The following SLC24A2 variants were observed in gnomAD, a reference collection of about 807,000 sequenced individuals.
SLC24A2 encodes the protein solute carrier family 24 member 2, also known as sodium/potassium/calcium exchanger 2.
In SLC24A2, 36 loss-of-function variants were observed where a neutral mutation model predicts 62.0. The observed-to-expected ratio is 0.58, with a 90% CI of 0.44 to 0.77. The LOEUF (loss-of-function observed/expected upper bound fraction) is 0.77. Ranked by LOEUF, SLC24A2 falls within the 30% of genes least tolerant of loss-of-function variation. The pLI is 0.00. For missense variants in SLC24A2, 846 were observed against 817.9 expected (o/e 1.03, Z -0.42); for synonymous variants, 358 against 294.0 (o/e 1.22, Z -2.23).
Position 19,786,018 on chromosome 9 carries a change from G to A in SLC24A2, c.849C>T (p.Asn283=), listed in dbSNP as rs570505431. The A allele has an allele frequency of 2.7e-5, 43 of 1,613,936 alleles. No homozygotes were observed. Among genetic ancestry groups the A allele is most frequent in the Admixed American group, 1.2e-4 (7 of 59,996 alleles). ...YFCYVVFMKF[N]VQVEKWVKQM... Reference sequence around the variant, plus strand: ...GCTTCACCCATTTTTCTACTTGGACGTTGAATTTCATGAAAACCACATAGC... The same window carrying A: ...GCTTCACCCATTTTTCTACTTGGACATTGAATTTCATGAAAACCACATAGC... The change falls in exon 2 of 11, where the codon AAC becomes AAT. Residue 283 remains asparagine, a synonymous_variant. Coordinates refer to ENST00000341998, the MANE Select transcript of SLC24A2 (RefSeq NM_020344.4). This position sits in a 1 kb window ranked among gnomAD's most constrained non-coding sequence, Gnocchi z 5.0.
At chr9:20,176,088 G>A in the SLC24A2 span, among the ~76,000 whole-genome samples, 1 of 151,968 alleles carries the variant, frequency 6.6e-6, no homozygotes, top group Non-Finnish European at 1.5e-5. Context: ...AACAACACTT[G>A]GGCTTTTTCG....
chr9:19,955,962 A>G, the SLC24A2 span, among the ~76,000 whole-genome samples: 1 of 152,244 alleles, frequency 6.6e-6, no homozygotes, highest in African/African-American at 2.4e-5. Flanking sequence ...ACAAGAAAGA[A>G]TAGGTAAGCC....
At chr9:19,782,929 G>C (rs1823057199) in intron 2 of SLC24A2, among the ~76,000 whole-genome samples, 1 of 152,094 alleles carries the variant, frequency 6.6e-6, no homozygotes, top group Admixed American at 6.5e-5. Context: ...TAAAGCCCCA[G>C]GGTCTCTTCA....
intron 2 of SLC24A2, among the ~76,000 whole-genome samples, chr9:19,724,873 A>C (rs1263290775): frequency 6.6e-6 from 1 of 152,212 alleles, no homozygotes. Context: ...ATACCATTAA[A>C]GGGAGACTAA....
chr9:19,983,944 T>G, the SLC24A2 span, among the ~76,000 whole-genome samples: 4 of 152,226 alleles, frequency 2.6e-5, no homozygotes, highest in Non-Finnish European at 5.9e-5. Context: ...ATGGTTAGAC[T>G]TATTGTTTTT....
At chr9:19,919,513 T>C in the SLC24A2 span, among the ~76,000 whole-genome samples, 1 of 152,232 alleles carries the variant, frequency 6.6e-6, no homozygotes, top group South Asian at 2.1e-4. Context: ...AACATATACT[T>C]AGGACAAATT....
At chr9:19,962,337 G>C in the SLC24A2 span, among the ~76,000 whole-genome samples, 1 of 152,306 alleles carries the variant, frequency 6.6e-6, no homozygotes, top group East Asian at 1.9e-4. Context: ...GGATTGACTT[G>C]GCGATGCGGG....
the SLC24A2 span, among the ~76,000 whole-genome samples, chr9:20,219,426 T>C: frequency 8.3e-4 from 127 of 152,276 alleles, 1 homozygote; most frequent in African/African-American, 2.9e-3. Flanking sequence ...TAGGGCTGAA[T>C]TGTACTTCTA....
intron 2 of SLC24A2, among the ~76,000 whole-genome samples, chr9:19,736,245 G>T (rs139765767): frequency 3.9e-5 from 6 of 151,990 alleles, no homozygotes; most frequent in African/African-American, 1.2e-4. Context: ...CCAAAGAGTA[G>T]CAAAAAAAGG....
chr9:19,633,201 T>C (rs760123991), intron 2 of SLC24A2, among the ~76,000 whole-genome samples: 111 of 152,252 alleles, frequency 7.3e-4, no homozygotes, highest in Non-Finnish European at 9.0e-4. Context: ...GATCTGCATG[T>C]TGAAAGGCAT....
At chr9:19,576,202 G>T (rs1023215977) in intron 6 of SLC24A2, among the ~76,000 whole-genome samples, 75 of 152,170 alleles carry the variant, frequency 4.9e-4, no homozygotes, top group African/African-American at 1.8e-3. Context: ...TTAGTTACTT[G>T]GGTAATAGCT....
Position 19,511,492 on chromosome 9 carries a change from T to C in SLC24A2, c.*4661A>G, listed in dbSNP as rs1008404516. 6.6e-6 allele frequency: 1 copy of C among 152,218 alleles called. No individual in the cohort carries two copies. Among genetic ancestry groups the C allele is most frequent in the Non-Finnish European group, 1.5e-5 (1 of 68,036 alleles). 9.4% of individuals were successfully genotyped at this position (152,218 alleles called of 1,614,324 possible). A position where few individuals can be genotyped will look rare whatever the true frequency, so the allele number is the denominator to read the frequency against. ...GGGATATATTTCCACGTGACACTTG[T>C]TTTCTTGGAATCCTAGGAAATTAAT... On this transcript the variant is annotated 3_prime_UTR_variant, in exon 11 of 11. Transcript: ENST00000341998.
chr9:20,203,734 G>A, the SLC24A2 span, among the ~76,000 whole-genome samples: 1 of 152,016 alleles, frequency 6.6e-6, no homozygotes, highest in East Asian at 1.9e-4. Flanking sequence ...AGCAGCAGAA[G>A]AAGAAATTAG....
the SLC24A2 span, among the ~76,000 whole-genome samples, chr9:20,063,886 T>C: frequency 6.6e-6 from 1 of 152,180 alleles, no homozygotes; most frequent in African/African-American, 2.4e-5. Flanking sequence ...TGTGGAAATG[T>C]AAAATGGTAC....
At chr9:20,167,543 G>A in the SLC24A2 span, among the ~76,000 whole-genome samples, 2 of 151,980 alleles carry the variant, frequency 1.3e-5, no homozygotes, top group Admixed American at 6.6e-5. Flanking sequence ...CCATAGCAAT[G>A]AGCACACCTA....
the SLC24A2 span, among the ~76,000 whole-genome samples, chr9:20,156,349 T>G: frequency 2.6e-5 from 4 of 151,742 alleles, no homozygotes; most frequent in African/African-American, 9.7e-5. Flanking sequence ...TGGGAAGCAT[T>G]TGATTCTGGG....
the SLC24A2 span, among the ~76,000 whole-genome samples, chr9:20,081,064 G>C: frequency 1.2e-4 from 19 of 152,344 alleles, 1 homozygote; most frequent in African/African-American, 4.3e-4. Context: ...GTGGAAGTCA[G>C]TGTGGCGATT....
the SLC24A2 span, among the ~76,000 whole-genome samples, chr9:20,098,129 T>C: frequency 2.6e-5 from 4 of 152,156 alleles, no homozygotes; most frequent in Non-Finnish European, 4.4e-5. Context: ...AGGGTCAAAG[T>C]AGAGAAGGTT....
At chr9:20,199,784 T>G in the SLC24A2 span, among the ~76,000 whole-genome samples, 2 of 151,540 alleles carry the variant, frequency 1.3e-5, no homozygotes, top group Admixed American at 1.3e-4. Flanking sequence ...AATGGCGTGA[T>G]CTCAGCTCAC....
Sources: allele counts gnomAD v4.1 joint callset (sites outside exome capture counted in the v4.1 genomes callset), GRCh38; gene constraint gnomAD v4.1.1; non-coding constraint Gnocchi (gnomAD v3.1); transcripts MANE v1.5; gene names NCBI Gene and HGNC (gene_info 2026-07-23, HGNC 2026-07-21).